Variants in SLC38A6 observed in about 807,000 individuals in gnomAD.
SLC38A6 encodes N system amino acid transporter NAT-1.
Under a neutral mutation model 65.0 loss-of-function variants are expected in SLC38A6, and 73 were observed. That is an observed-to-expected ratio of 1.12 (90% CI 0.93 to 1.37). The LOEUF is 1.37. Ranked by LOEUF, SLC38A6 falls within the 40% of genes most tolerant of loss-of-function variation. SLC38A6 has a pLI of 0.00. For missense variants in SLC38A6, 561 were observed against 531.1 expected (o/e 1.06, Z -0.55); for synonymous variants, 183 against 178.8 (o/e 1.02, Z -0.19).
chr14:61,079,289 A>G (rs1169870062), intron 16 of SLC38A6, among the ~76,000 whole-genome samples: 3 of 151,516 alleles, frequency 2.0e-5, no homozygotes, highest in Non-Finnish European at 2.9e-5. Flanking sequence ...GGCACACACT[A>G]CTACACCTAG....
At chr14:60,992,053 G>A (rs2139717183) in intron 3 of SLC38A6, among the ~76,000 whole-genome samples, 1 of 152,294 alleles carries the variant, frequency 6.6e-6, no homozygotes, top group South Asian at 2.1e-4. Context: ...TGTTACTCAG[G>A]TAGAAGAAGG....
intron 6 of SLC38A6, among the ~76,000 whole-genome samples, chr14:61,032,442 G>T (rs796503066): frequency 1.6e-4 from 24 of 151,660 alleles, no homozygotes; most frequent in African/African-American, 4.8e-4. Context: ...TTGTTGCATT[G>T]ATTTTTTTGT....
At chr14:61,026,577 TTAAA>T (rs543917111) in intron 5 of SLC38A6, among the ~76,000 whole-genome samples, 4 of 152,276 alleles carry the variant, frequency 2.6e-5, no homozygotes, top group Admixed American at 2.6e-4. Flanking sequence ...AGTAGTTTGT[TTAAA>T]TACTGATTTA....
chr14:61,013,231 T>G (rs1352966338), intron 3 of SLC38A6, among the ~76,000 whole-genome samples: 2 of 152,222 alleles, frequency 1.3e-5, no homozygotes, highest in East Asian at 3.8e-4. Flanking sequence ...GTTTTCCGTT[T>G]GCTTGGTAGA....
chr14:61,052,427 T>C lies in SLC38A6; in HGVS notation c.1369T>C (p.Ter457GlnextTer27). 2 of 1,559,446 alleles carry C rather than the reference T, an allele frequency of 1.3e-6. No individual in the cohort carries two copies. Among genetic ancestry groups the C allele is most frequent in the Non-Finnish European group, 1.7e-6 (2 of 1,157,296 alleles). ...ALIIFDWINK[*>Q] is the part of the protein sequence containing the mutation. ...CATCATTTTTGATTGGATTAATAAA[T>C]AAAAGAAATATTTTCCTACTTCTTA... Residue 457 changes from the stop codon to glutamine (Q), a stop_lost, in exon 16 of 16, where the codon TAA (stop) becomes CAA (glutamine). Coordinates refer to ENST00000267488, the MANE Select transcript of SLC38A6 (RefSeq NM_153811.3).
chr14:61,038,433 C>G (rs7149101), intron 8 of SLC38A6, among the ~76,000 whole-genome samples: 6,607 of 152,056 alleles, frequency 0.043, 222 homozygotes, highest in African/African-American at 0.091. Context: ...TAATCAGTAT[C>G]TAAATGTCAA....
intron 3 of SLC38A6, among the ~76,000 whole-genome samples, chr14:61,005,999 A>T (rs1375117945): frequency 6.6e-6 from 1 of 152,142 alleles, no homozygotes; most frequent in African/African-American, 2.4e-5. Flanking sequence ...AATGGAACAG[A>T]ACAGAGCCCT....
chr14:61,038,109 G>A (rs1042506655), intron 8 of SLC38A6, among the ~76,000 whole-genome samples: 1 of 152,058 alleles, frequency 6.6e-6, no homozygotes, highest in African/African-American at 2.4e-5. Context: ...ACATTGAGGA[G>A]ATCTAGTAAG....
At chr14:61,010,314 C>A (rs2039461504) in intron 3 of SLC38A6, among the ~76,000 whole-genome samples, 1 of 151,848 alleles carries the variant, frequency 6.6e-6, no homozygotes, top group Admixed American at 6.6e-5. Flanking sequence ...AAAATTTTCT[C>A]CCATTTTGTA....
intron 3 of SLC38A6, among the ~76,000 whole-genome samples, chr14:60,996,434 G>A (rs1433808475): frequency 6.6e-6 from 1 of 151,880 alleles, no homozygotes; most frequent in African/African-American, 2.4e-5. Flanking sequence ...AGTTTCCTGG[G>A]GGTGGAAAAA....
At position 61,000,879 on chromosome 14, in the gene SLC38A6, A is replaced by T. The variant is rs182117977; in HGVS notation, c.311-15025A>T. Among the ~76,000 whole-genome samples, 7 of 152,324 alleles carry T rather than the reference A, an allele frequency of 4.6e-5. 1 individual carries two copies. Among genetic ancestry groups the T allele is most frequent in the African/African-American group, 1.7e-4 (7 of 41,566 alleles). ...AAGAATTAAAACTGACTGAAAGGCA[A>T]TAGATATGTTTCCCATTTCAAAGCT... is the stretch of plus-strand genomic sequence containing the variant. On this transcript the variant is annotated intron_variant, in intron 3 of 15. Coordinates refer to ENST00000267488, the MANE Select transcript of SLC38A6 (RefSeq NM_153811.3).
chr14:61,019,465 A>G, intron 4 of SLC38A6, 76 bp from the exon 5 acceptor site: 2 of 1,473,422 alleles, frequency 1.4e-6, no homozygotes, highest in East Asian at 4.6e-5. Flanking sequence ...AGTAATAGTT[A>G]CTGGATTTTA....
chr14:61,043,717 C>G (rs1424059589), intron 10 of SLC38A6, among the ~76,000 whole-genome samples: 1 of 79,726 alleles, frequency 1.3e-5, no homozygotes. Context: ...TTTTTTTTTT[C>G]CTGGTATGCC....
At chr14:60,991,055 AAAGT>A (rs1452103574) in intron 3 of SLC38A6, among the ~76,000 whole-genome samples, 1 of 152,166 alleles carries the variant, frequency 6.6e-6, no homozygotes, top group Non-Finnish European at 1.5e-5. Flanking sequence ...ACCACCATCA[AAAGT>A]AATAGTTTAT....
chr14:61,012,392 T>C (rs947152081), intron 3 of SLC38A6, among the ~76,000 whole-genome samples: 1 of 152,218 alleles, frequency 6.6e-6, no homozygotes, highest in African/African-American at 2.4e-5. Flanking sequence ...CCTTCAGTTC[T>C]GCTCTGATCT....
At chr14:61,037,184 G>C in intron 7 of SLC38A6, 43 bp downstream of exon 7, 1 of 1,409,880 alleles carries the variant, frequency 7.1e-7, no homozygotes, top group Non-Finnish European at 9.7e-7. Flanking sequence ...AAAAAGGAAA[G>C]AAGGGAGGGA....
chr14:61,003,441 C>T (rs2038848183), intron 3 of SLC38A6, among the ~76,000 whole-genome samples: 1 of 151,890 alleles, frequency 6.6e-6, no homozygotes, highest in African/African-American at 2.4e-5. Context: ...GAAACAATAC[C>T]CCCTGAGTAT....
At chr14:61,066,228 G>A (rs2043013931) in intron 15 of SLC38A6, among the ~76,000 whole-genome samples, 1 of 152,102 alleles carries the variant, frequency 6.6e-6, no homozygotes, top group Non-Finnish European at 1.5e-5. Flanking sequence ...AGGAAAAGTA[G>A]GAAACAAAAT....
chr14:60,993,286 A>G (rs907873037), intron 3 of SLC38A6, among the ~76,000 whole-genome samples: 32 of 152,224 alleles, frequency 2.1e-4, no homozygotes, highest in African/African-American at 7.7e-4. Flanking sequence ...GTGATTAACT[A>G]GCTTGCTTAA....
Sources: allele counts gnomAD v4.1 joint callset (sites outside exome capture counted in the v4.1 genomes callset), GRCh38; gene constraint gnomAD v4.1.1; transcripts MANE v1.5; gene names NCBI Gene and HGNC (gene_info 2026-07-23, HGNC 2026-07-21).